ACTR3C: variants seen among roughly 807,000 people sequenced by gnomAD.
The protein encoded by ACTR3C is actin related protein 3C.
Under a neutral mutation model 26.3 loss-of-function variants are expected in ACTR3C, and 18 were observed. That is an observed-to-expected ratio of 0.68 (90% CI 0.47 to 1.01). The LOEUF is 1.01. Ranked by LOEUF, ACTR3C falls within the 50% of genes least tolerant of loss-of-function variation. The pLI, the probability that ACTR3C is intolerant of heterozygous loss-of-function variation, is 0.00. For synonymous variants in ACTR3C, 55 were observed against 94.5 expected (o/e 0.58, Z 2.42); for missense variants, 184 against 250.7 (o/e 0.73, Z 1.80).
chr7:149,995,115 A>G, the ACTR3C span, among the ~76,000 whole-genome samples: 2 of 152,226 alleles, frequency 1.3e-5, no homozygotes, highest in Non-Finnish European at 2.9e-5. Flanking sequence ...TCAGCCTCCC[A>G]GAGGGCTGGG....
At chr7:149,907,478 T>TCTCTCTCTCTCTC in the ACTR3C span, among the ~76,000 whole-genome samples, 1,391 of 97,596 alleles carry the variant, frequency 0.014, 38 homozygotes, top group Non-Finnish European at 0.021. Flanking sequence ...CTCTCTTCTC[T>TCTCTCTCTCTCTC]TCTCTCTCTC....
chr7:150,180,727 G>A, the ACTR3C span, among the ~76,000 whole-genome samples: 1 of 149,082 alleles, frequency 6.7e-6, no homozygotes, highest in East Asian at 1.9e-4. Flanking sequence ...AGCCAGGATG[G>A]TCTCTATCTC....
chr7:149,937,118 C>CATAATATTGCTGCAAT, the ACTR3C span, among the ~76,000 whole-genome samples: 22 of 151,462 alleles, frequency 1.5e-4, no homozygotes, highest in East Asian at 4.3e-3. Flanking sequence ...GCAATATAGA[C>CATAATATTGCTGCAAT]ATATTACCAA....
chr7:150,263,805 T>A (rs1026159407), intron 6 of ACTR3C, among the ~76,000 whole-genome samples: 9 of 152,268 alleles, frequency 5.9e-5, no homozygotes, highest in African/African-American at 2.2e-4. Context: ...TTTGAATGTT[T>A]TAAATGCATT....
the ACTR3C span, among the ~76,000 whole-genome samples, chr7:150,228,526 G>A: frequency 6.6e-6 from 1 of 152,152 alleles, no homozygotes; most frequent in Non-Finnish European, 1.5e-5. Flanking sequence ...GTCTACATAA[G>A]AGGAAGGCAA....
intron 6 of ACTR3C, among the ~76,000 whole-genome samples, chr7:150,277,971 G>A (rs1835021175): frequency 6.6e-6 from 1 of 152,252 alleles, no homozygotes; most frequent in East Asian, 1.9e-4. Context: ...GCCCCTCCAG[G>A]TGGATATGCC....
At chr7:150,295,531 G>A (rs557985416) in intron 1 of ACTR3C, among the ~76,000 whole-genome samples, 184 bp from the exon 2 acceptor site, 3 of 152,372 alleles carry the variant, frequency 2.0e-5, no homozygotes, top group African/African-American at 7.2e-5. Flanking sequence ...GCTTTAAGAC[G>A]TCAGAGTAAA....
chr7:149,952,967 T>G, the ACTR3C span, among the ~76,000 whole-genome samples: 1 of 152,194 alleles, frequency 6.6e-6, no homozygotes, highest in Non-Finnish European at 1.5e-5. Context: ...TGAAAAATCT[T>G]ATCCTAAGGA....
the ACTR3C span, among the ~76,000 whole-genome samples, chr7:150,100,964 C>G: frequency 6.6e-6 from 1 of 151,606 alleles, no homozygotes; most frequent in Non-Finnish European, 1.5e-5. Flanking sequence ...CTTGGTCTCC[C>G]AAAATGCTGG....
chr7:150,104,959 TA>T, the ACTR3C span, among the ~76,000 whole-genome samples: 1 of 152,048 alleles, frequency 6.6e-6, no homozygotes, highest in African/African-American at 2.4e-5. Flanking sequence ...TTAATTACTG[TA>T]TGCCAATATA....
chr7:150,019,298 A>G, the ACTR3C span, among the ~76,000 whole-genome samples: 1 of 150,276 alleles, frequency 6.7e-6, no homozygotes, highest in Non-Finnish European at 1.5e-5. Flanking sequence ...GAAGAATTAT[A>G]TCTATAATCT....
At chr7:150,317,659 G>A (rs1394080247) in intron 1 of ACTR3C, among the ~76,000 whole-genome samples, 1 of 152,048 alleles carries the variant, frequency 6.6e-6, no homozygotes, top group African/African-American at 2.4e-5. Context: ...AATTCAACAG[G>A]AATACATTTC....
the ACTR3C span, among the ~76,000 whole-genome samples, chr7:150,039,852 G>C: frequency 3.2e-5 from 4 of 125,524 alleles, no homozygotes; most frequent in Non-Finnish European, 5.4e-5. Flanking sequence ...GGGGTCCTAA[G>C]AGCAAAGGGG....
At chr7:150,227,700 T>TTTTTTTTTC in the ACTR3C span, among the ~76,000 whole-genome samples, 1 of 138,072 alleles carries the variant, frequency 7.2e-6, no homozygotes, top group African/African-American at 3.1e-5. Flanking sequence ...TTTTTTTTTT[T>TTTTTTTTTC]GTTTTTTTTT....
the ACTR3C span, among the ~76,000 whole-genome samples, chr7:149,934,290 T>C: frequency 1.3e-5 from 2 of 152,116 alleles, no homozygotes; most frequent in African/African-American, 4.8e-5. Flanking sequence ...AGATCCCAGG[T>C]GTTGAGCTCC....
At chr7:150,142,958 C>T in the ACTR3C span, among the ~76,000 whole-genome samples, 1 of 151,908 alleles carries the variant, frequency 6.6e-6, no homozygotes, top group Non-Finnish European at 1.5e-5. Flanking sequence ...CCTCAGCCTC[C>T]CCAGTAGCTA....
chr7:150,123,612 CAA>C, the ACTR3C span, among the ~76,000 whole-genome samples: 37,966 of 137,334 alleles, frequency 0.28, 4,944 homozygotes, highest in Admixed American at 0.33. Flanking sequence ...CACACACACA[CAA>C]ACACACACCC....
rs2907034 is a variant in ACTR3C at position 150,305,166 on chromosome 7, A to C, written c.-51-9819T>G. On this transcript the variant is annotated intron_variant, in intron 1 of 7. Coordinates refer to ENST00000683684, the MANE Select transcript of ACTR3C (RefSeq NM_001164458.2). ...ACCCCAGCTGGTGCAGAAGAAAGTT[A>C]CTCCACACTGAGGGAAAATCCATTT... Among the ~76,000 whole-genome samples, 509 of 151,124 alleles carry C rather than the reference A, an allele frequency of 3.4e-3. 7 individuals are homozygous for C. The highest frequency in any genetic ancestry group is 0.012 in the African/African-American group (470 of 40,524).
At chr7:150,221,998 CAAAAAA>C in the ACTR3C span, among the ~76,000 whole-genome samples, 5 of 79,794 alleles carry the variant, frequency 6.3e-5, no homozygotes, top group African/African-American at 2.1e-4. Flanking sequence ...ACTCCGTCTC[CAAAAAA>C]AAAAAAAAAA....
Sources: allele counts gnomAD v4.1 joint callset (sites outside exome capture counted in the v4.1 genomes callset), GRCh38; gene constraint gnomAD v4.1.1; transcripts MANE v1.5; gene names NCBI Gene and HGNC (gene_info 2026-07-23, HGNC 2026-07-21).